CALHM4: variants seen among roughly 807,000 people sequenced by gnomAD.
The protein encoded by CALHM4 is calcium homeostasis modulator family member 4.
CALHM4 carries 16 observed loss-of-function variants against 13.3 expected under a neutral mutation model. The observed-to-expected ratio is 1.20, with a 90% confidence interval of 0.81 to 1.82. CALHM4 has a LOEUF of 1.82. Among genes scored for constraint, CALHM4 ranks in the 40% most tolerant of loss-of-function variants. The probability of loss-of-function intolerance (pLI) is 0.00; values close to 1 mark genes in which losing one functional copy is unlikely to be tolerated. For missense variants in CALHM4, 344 were observed against 374.9 expected (o/e 0.92, Z 0.68); for synonymous variants, 127 against 137.1 (o/e 0.93, Z 0.52).
At chr6:116,535,011 G>A (rs12214460) in intron 1 of CALHM4, among the ~76,000 whole-genome samples, 46,454 of 152,078 alleles carry the variant, frequency 0.31, 8,757 homozygotes, top group Middle Eastern at 0.5. Flanking sequence ...ACATGGACCT[G>A]AGAGCAAAAA....
At chr6:116,533,598 C>T (rs1250125069) in intron 1 of CALHM4, among the ~76,000 whole-genome samples, 1 of 152,200 alleles carries the variant, frequency 6.6e-6, no homozygotes, top group Non-Finnish European at 1.5e-5. Flanking sequence ...CAGGTTGGCT[C>T]GGCTCATGCC....
chr6:116,552,791 T>C (rs749041705), upstream of CALHM4, among the ~76,000 whole-genome samples: 8 of 152,154 alleles, frequency 5.3e-5, no homozygotes, highest in Non-Finnish European at 1.2e-4. Context: ...AAACCAAATA[T>C]CGGCCGGGCG....
intron 1 of CALHM4, among the ~76,000 whole-genome samples, chr6:116,534,364 T>C (rs1772938176): frequency 6.6e-6 from 1 of 152,202 alleles, no homozygotes; most frequent in Non-Finnish European, 1.5e-5. Flanking sequence ...GCTGTCTCCA[T>C]TCTAAAGCAG....
intron 2 of CALHM4, among the ~76,000 whole-genome samples, chr6:116,545,771 T>A (rs948206668): frequency 1.3e-5 from 2 of 152,172 alleles, no homozygotes; most frequent in African/African-American, 4.8e-5. Flanking sequence ...GGATGAATTG[T>A]AATCTAGAGC....
At chr6:116,557,722 T>C (rs528116501) in intron 1 of CALHM4, 103 bp from the exon 2 acceptor site, 1 of 1,346,258 alleles carries the variant, frequency 7.4e-7, no homozygotes, top group Admixed American at 2.3e-5. Context: ...TTTATGTCCA[T>C]ATTTTAGTTC....
chr6:116,543,847 A>T (rs1320772326), exon 2 of CALHM4: 11 of 1,534,134 alleles, frequency 7.2e-6, no homozygotes, highest in South Asian at 1.2e-5. Flanking sequence ...GACCTTCAGG[A>T]TAAACCCAAA....
chr6:116,540,810 T>C (rs1457013793), intron 1 of CALHM4, among the ~76,000 whole-genome samples: 4 of 152,178 alleles, frequency 2.6e-5, no homozygotes, highest in East Asian at 1.9e-4. Context: ...TAGCTATTGA[T>C]GGAAATCAAA....
upstream of CALHM4, among the ~76,000 whole-genome samples, chr6:116,551,514 A>G (rs1774078550): frequency 6.6e-6 from 1 of 151,842 alleles, no homozygotes; most frequent in Non-Finnish European, 1.5e-5. Context: ...TGCAAATGTA[A>G]TTGTGGTTTT....
At chr6:116,544,022 C>A in intron 2 of CALHM4, 1 of 665,774 alleles carries the variant, frequency 1.5e-6, no homozygotes, top group Non-Finnish European at 2.5e-6. Context: ...TTCCAAGAAC[C>A]TAATAATAAA....
At chr6:116,557,790 T>C in intron 1 of CALHM4, 35 bp from the exon 2 acceptor site, 1 of 1,591,958 alleles carries the variant, frequency 6.3e-7, no homozygotes, top group Non-Finnish European at 8.6e-7. Flanking sequence ...GATGCATTGA[T>C]ACTTCCTGTT....
At chr6:116,532,164 T>C (rs1418327526) in intron 1 of CALHM4, among the ~76,000 whole-genome samples, 1 of 152,212 alleles carries the variant, frequency 6.6e-6, no homozygotes, top group Non-Finnish European at 1.5e-5. Flanking sequence ...GAGTCTTTCA[T>C]TTAAAGACAA....
At position 116,538,854 on chromosome 6, in the gene CALHM4, T is replaced by G. The variant is rs895089746; in HGVS notation, c.-108-4911T>G. ...TCAAGCCATCCACCCCTCTCAGCTTTCTGAGTTGTTGGGACTACAGCTGTG... is the reference window on the plus strand; with the variant it reads ...TCAAGCCATCCACCCCTCTCAGCTTGCTGAGTTGTTGGGACTACAGCTGTG... On this transcript the variant is annotated intron_variant, in intron 1 of 2. Transcript: ENST00000368597. Among the ~76,000 whole-genome samples the G allele has an allele frequency of 5.9e-5, 9 of 151,980 alleles. 1 individual carries two copies. Among genetic ancestry groups the G allele is most frequent in the Middle Eastern group, 6.3e-3 (2 of 316 alleles).
At chr6:116,534,082 A>G (rs1232255692) in intron 1 of CALHM4, among the ~76,000 whole-genome samples, 2 of 150,880 alleles carry the variant, frequency 1.3e-5, no homozygotes, top group Non-Finnish European at 3.0e-5. Context: ...TGGGTACTCA[A>G]CTCTCACCCA....
intron 1 of CALHM4, among the ~76,000 whole-genome samples, chr6:116,531,896 T>A (rs1299165366): frequency 6.7e-6 from 1 of 149,852 alleles, no homozygotes; most frequent in Non-Finnish European, 1.5e-5. Flanking sequence ...TATTTAATTT[T>A]AAAATATAAT....
At chr6:116,534,075 G>C (rs570672150) in intron 1 of CALHM4, among the ~76,000 whole-genome samples, 21 of 151,694 alleles carry the variant, frequency 1.4e-4, no homozygotes, top group South Asian at 6.2e-4. Context: ...CCTCCTTTGG[G>C]TACTCAACTC....
chr6:116,530,019 G>A (rs998845350), intron 1 of CALHM4, among the ~76,000 whole-genome samples: 1 of 152,178 alleles, frequency 6.6e-6, no homozygotes, highest in Non-Finnish European at 1.5e-5. Flanking sequence ...ACAGCATTAT[G>A]ATGGCAGCAA....
chr6:116,529,255 G>C (rs1005587799), intron 1 of CALHM4: 1 of 152,182 alleles, frequency 6.6e-6, no homozygotes, highest in Non-Finnish European at 1.5e-5. Context: ...CCAATACCTG[G>C]GTTTCCTACT....
chr6:116,536,788 C>T (rs1339776423), intron 1 of CALHM4, among the ~76,000 whole-genome samples: 1 of 152,160 alleles, frequency 6.6e-6, no homozygotes, highest in Non-Finnish European at 1.5e-5. Flanking sequence ...CTTGACTCTG[C>T]CATGCTCTGG....
chr6:116,546,819 C>T (rs759517960), intron 2 of CALHM4, among the ~76,000 whole-genome samples: 2 of 152,148 alleles, frequency 1.3e-5, no homozygotes, highest in African/African-American at 2.4e-5. Flanking sequence ...TCCATCACTG[C>T]ATATGTTCTA....
Sources: gnomAD v4.1 joint callset for allele counts (sites outside exome capture counted in the v4.1 genomes callset) on GRCh38, gnomAD v4.1.1 for gene constraint, MANE v1.5 for transcripts, NCBI Gene and HGNC (gene_info 2026-07-23, HGNC 2026-07-21) for gene names.